The following USP15 variants were observed in gnomAD, a reference collection of about 807,000 sequenced individuals.
The protein encoded by USP15 is ubiquitin specific peptidase 15.
In USP15, 18 loss-of-function variants were observed where a neutral mutation model predicts 127.1. The ratio of observed to expected loss-of-function variants is 0.14; its 90% confidence interval spans 0.10 to 0.21. USP15 has a LOEUF of 0.21. Ranked by LOEUF, USP15 falls within the 10% of genes least tolerant of loss-of-function variation. The probability of loss-of-function intolerance (pLI) is 1.00; values close to 1 mark genes in which losing one functional copy is unlikely to be tolerated. For missense variants in USP15, 805 were observed against 1,159.9 expected (o/e 0.69, Z 4.44); for synonymous variants, 364 against 393.7 (o/e 0.92, Z 0.89).
chr12:62,383,770 T>G, intron 9 of USP15, 70 bp from the exon 10 acceptor site: 3 of 1,443,164 alleles, frequency 2.1e-6, no homozygotes, highest in Non-Finnish European at 2.8e-6. Context: ...ATAATGAGAA[T>G]CTATTGTACA....
chr12:62,286,803 G>A (rs748636025), intron 1 of USP15, among the ~76,000 whole-genome samples: 17 of 152,006 alleles, frequency 1.1e-4, no homozygotes, highest in Non-Finnish European at 2.1e-4. Flanking sequence ...CAGGCGAGGT[G>A]GCGCATGCCT....
Position 62,415,656 on chromosome 12 carries a change from G to T in USP15, c.*11281G>T, listed in dbSNP as rs890652751. Reference sequence around the variant, plus strand: ...CTTGGGGTGAGCAACCTGATTAGAAGGGAACAATGTGACTTAAAACTGCAT... The same window carrying T: ...CTTGGGGTGAGCAACCTGATTAGAATGGAACAATGTGACTTAAAACTGCAT... On this transcript the variant is annotated 3_prime_UTR_variant, in exon 22 of 22. Coordinates refer to ENST00000280377, the MANE Select transcript of USP15 (RefSeq NM_001252078.2). 6.6e-6 allele frequency: 1 copy of T among 152,146 alleles called. No individual in the cohort carries two copies. The highest frequency in any genetic ancestry group is 1.5e-5 in the Non-Finnish European group (1 of 68,032). 9.4% of individuals were successfully genotyped at this position (152,146 alleles called of 1,614,324 possible). A position where few individuals can be genotyped will look rare whatever the true frequency, so the allele number is the denominator to read the frequency against.
At position 62,263,246 on chromosome 12, in the gene USP15, G is replaced by A. The variant is rs549292889; in HGVS notation, c.89+2743G>A. Among the ~76,000 whole-genome samples, 9 of 152,138 alleles carry A rather than the reference G, an allele frequency of 5.9e-5. 1 individual carries two copies. In the South Asian group the frequency reaches 1.9e-3, roughly 32 times the overall value. On this transcript the variant is annotated intron_variant, in intron 1 of 21. Transcript: ENST00000280377. Reference sequence around the variant, plus strand: ...ATTTGCCCTGTGGAATATTGTCGTGGCATATGTATGTAACTGTCTAGGAAA... The same window carrying A: ...ATTTGCCCTGTGGAATATTGTCGTGACATATGTATGTAACTGTCTAGGAAA...
rs969396635 is a variant in USP15, at chr12:62,409,686, C to T, written c.*5311C>T. ...TGTTAGCTGGAGTTAAATCTACATA[C>T]ATAAAAGTAAAACAATAAATATGGA... On this transcript the variant is annotated 3_prime_UTR_variant, in exon 22 of 22. Transcript: ENST00000280377. The T allele has an allele frequency of 4.6e-5, 7 of 152,046 alleles. No individual in the cohort carries two copies. Among genetic ancestry groups the T allele is most frequent in the African/African-American group, 1.7e-4 (7 of 41,422 alleles). 9.4% of individuals were successfully genotyped at this position (152,046 alleles called of 1,614,324 possible).
At chr12:62,291,021 A>G (rs1174334227) in intron 1 of USP15, among the ~76,000 whole-genome samples, 1 of 152,144 alleles carries the variant, frequency 6.6e-6, no homozygotes, top group Admixed American at 6.5e-5. Flanking sequence ...AGGTGTCCAA[A>G]TGCTTTTCTC....
rs1171854009 is a variant in USP15 at position 62,413,114 on chromosome 12, GGTGCACTTGTCAATGAGCA to G, written c.*8742_*8760del. The G allele has an allele frequency of 6.6e-6, 1 of 152,158 alleles. No individual in the cohort carries two copies. Among genetic ancestry groups the G allele is most frequent in the East Asian group, 1.9e-4 (1 of 5,192 alleles). 9.4% of individuals were successfully genotyped at this position (152,158 alleles called of 1,614,324 possible). A position where few individuals can be genotyped will look rare whatever the true frequency, so the allele number is the denominator to read the frequency against. On this transcript the variant is annotated 3_prime_UTR_variant, in exon 22 of 22. Transcript: ENST00000280377. The stretch of plus-strand genomic sequence containing the variant: ...TCTCCATAGAGCTCTTGGGTGACCA[GGTGCACTTGTCAATGAGCA>G]GTAATATTTTGAAAGGAATCTTTTT...
chr12:62,316,301 C>T (rs1264739486), intron 4 of USP15, among the ~76,000 whole-genome samples: 1 of 145,312 alleles, frequency 6.9e-6, no homozygotes, highest in African/African-American at 2.5e-5. Flanking sequence ...AAAAAAAAAG[C>T]CCATAGAGTC....
chr12:62,324,674 T>C (rs993746133), intron 5 of USP15, among the ~76,000 whole-genome samples: 2 of 151,954 alleles, frequency 1.3e-5, no homozygotes, highest in African/African-American at 4.8e-5. Context: ...TTTTATATGG[T>C]ACAAATACAC....
intron 4 of USP15, among the ~76,000 whole-genome samples, chr12:62,317,885 A>G (rs1159393781): frequency 6.6e-6 from 1 of 152,208 alleles, no homozygotes; most frequent in Non-Finnish European, 1.5e-5. Context: ...AGCATTGAGC[A>G]TGTTTAAGTA....
At chr12:62,290,237 T>A (rs1592509195) in intron 1 of USP15, among the ~76,000 whole-genome samples, 1 of 152,318 alleles carries the variant, frequency 6.6e-6, no homozygotes, top group East Asian at 1.9e-4. Context: ...ATTATTGTAT[T>A]GCTGTTTATA....
At chr12:62,320,175 C>T (rs1480597901) in intron 4 of USP15, among the ~76,000 whole-genome samples, 1 of 152,104 alleles carries the variant, frequency 6.6e-6, no homozygotes. Context: ...AATTGTAATC[C>T]CCCATGTGTT....
At chr12:62,291,020 A>G (rs1030371959) in intron 1 of USP15, among the ~76,000 whole-genome samples, 14 of 152,230 alleles carry the variant, frequency 9.2e-5, no homozygotes, top group East Asian at 5.8e-4. Context: ...TAGGTGTCCA[A>G]ATGCTTTTCT....
Position 62,408,018 on chromosome 12 carries a change from G to C in USP15, c.*3643G>C, listed in dbSNP as rs1222105113. On this transcript the variant is annotated 3_prime_UTR_variant, in exon 22 of 22. Coordinates refer to ENST00000280377, the MANE Select transcript of USP15 (RefSeq NM_001252078.2). ...ATAAAACTACACAAAACATTGATTTGGGCACAAAGAAAATCAGTAAGTACC... is the reference window on the plus strand; with the variant it reads ...ATAAAACTACACAAAACATTGATTTCGGCACAAAGAAAATCAGTAAGTACC... 2 of 151,910 alleles carry C rather than the reference G, an allele frequency of 1.3e-5. No individual in the cohort carries two copies. The highest frequency in any genetic ancestry group is 6.6e-5 in the Admixed American group (1 of 15,224). The allele number at this position is 151,910 out of a possible 1,614,324, so 9.4% of individuals were successfully genotyped here.
chr12:62,349,796 A>G (rs1418542469), intron 7 of USP15, among the ~76,000 whole-genome samples: 1 of 152,072 alleles, frequency 6.6e-6, no homozygotes, highest in Non-Finnish European at 1.5e-5. Flanking sequence ...CATGGAATTT[A>G]TAAAAATTTT....
At chr12:62,337,227 C>G (rs776901188) in intron 6 of USP15, among the ~76,000 whole-genome samples, 3 of 152,030 alleles carry the variant, frequency 2.0e-5, no homozygotes, top group Non-Finnish European at 4.4e-5. Flanking sequence ...AAAGACACAG[C>G]CTTCCTTCAT....
intron 5 of USP15, among the ~76,000 whole-genome samples, chr12:62,325,502 C>A (rs1464987271): frequency 6.6e-6 from 1 of 152,104 alleles, no homozygotes. Flanking sequence ...TATTGACCAT[C>A]TGTTATTTAC....
chr12:62,327,002 T>G (rs2065146925), intron 6 of USP15, among the ~76,000 whole-genome samples: 1 of 151,998 alleles, frequency 6.6e-6, no homozygotes. Context: ...TGATGATGCA[T>G]CCCTGTAATC....
rs560352865 is a variant in USP15 at position 62,269,382 on chromosome 12, C to G, written c.89+8879C>G. 1.4e-4 allele frequency among the ~76,000 whole-genome samples: 21 copies of G among 151,460 alleles called. 1 individual carries two copies. The East Asian group carries it at 3.9e-3, about 28-fold the overall frequency. On this transcript the variant is annotated intron_variant, in intron 1 of 21. Transcript: ENST00000280377. The stretch of plus-strand genomic sequence containing the variant: ...TGTGTGTGTGTGTATATATATATAT[C>G]TAAACATAGAAAAGGTAGAGTAAAA...
At chr12:62,296,742 G>C (rs1333144824) in intron 2 of USP15, among the ~76,000 whole-genome samples, 1 of 152,198 alleles carries the variant, frequency 6.6e-6, no homozygotes, top group East Asian at 1.9e-4. Context: ...ATTGAAATGA[G>C]TAAGAACAAT....
Sources: allele counts gnomAD v4.1 joint callset (sites outside exome capture counted in the v4.1 genomes callset), GRCh38; gene constraint gnomAD v4.1.1; transcripts MANE v1.5; gene names NCBI Gene and HGNC (gene_info 2026-07-23, HGNC 2026-07-21).